The following IGF2BP2 variants were observed in gnomAD, a reference collection of about 807,000 sequenced individuals.
IGF2BP2 encodes insulin like growth factor 2 mRNA binding protein 2, also known as insulin-like growth factor 2 mRNA-binding protein 2.
Under a neutral mutation model 75.8 loss-of-function variants are expected in IGF2BP2, and 17 were observed. The ratio of observed to expected loss-of-function variants is 0.22; its 90% CI spans 0.15 to 0.34. IGF2BP2 has a LOEUF of 0.34. IGF2BP2 is among the 10% of genes least tolerant of loss of function. The pLI, the probability that IGF2BP2 is intolerant of heterozygous loss-of-function variation, is 1.00. For synonymous variants in IGF2BP2, 288 were observed against 295.6 expected (o/e 0.97, Z 0.26); for missense variants, 516 against 772.4 (o/e 0.67, Z 3.93).
intron 2 of IGF2BP2, among the ~76,000 whole-genome samples, chr3:185,700,756 AAGAC>A (rs1394683210): frequency 6.6e-6 from 1 of 152,236 alleles, no homozygotes; most frequent in Non-Finnish European, 1.5e-5. Flanking sequence ...GATGTGAACA[AAGAC>A]AGCAACTGTA....
intron 10 of IGF2BP2, among the ~76,000 whole-genome samples, chr3:185,669,046 T>C (rs1461506433): frequency 6.6e-6 from 1 of 152,118 alleles, no homozygotes; most frequent in Non-Finnish European, 1.5e-5. Context: ...TAATATGAAA[T>C]TGTTTAGTCA....
chr3:185,743,050 G>C (rs1309794250), intron 2 of IGF2BP2, among the ~76,000 whole-genome samples: 1 of 151,940 alleles, frequency 6.6e-6, no homozygotes, highest in African/African-American at 2.4e-5. Context: ...AGTGAGCCAA[G>C]ATCGTGCCAC....
At chr3:185,696,722 C>T in intron 3 of IGF2BP2, 59 bp from the exon 4 acceptor site, 1 of 1,369,362 alleles carries the variant, frequency 7.3e-7, no homozygotes, top group East Asian at 2.3e-5. Context: ...ACAAAAAATA[C>T]TACAGTGATA....
intron 7 of IGF2BP2, among the ~76,000 whole-genome samples, chr3:185,685,395 A>G (rs770029649): frequency 2.1e-4 from 32 of 152,024 alleles, no homozygotes; most frequent in Non-Finnish European, 4.6e-4. Flanking sequence ...AGGAACTTGG[A>G]TGAGAAATGT....
chr3:185,752,543 C>T (rs1325158775), intron 2 of IGF2BP2, among the ~76,000 whole-genome samples: 1 of 152,002 alleles, frequency 6.6e-6, no homozygotes, highest in Non-Finnish European at 1.5e-5. Flanking sequence ...AACCTGAGTA[C>T]ACTTTACACA....
intron 13 of IGF2BP2, among the ~76,000 whole-genome samples, 158 bp downstream of exon 13, chr3:185,651,936 G>C (rs1714672804): frequency 6.6e-6 from 1 of 152,140 alleles, no homozygotes; most frequent in African/African-American, 2.4e-5. Flanking sequence ...CAAACATGCA[G>C]AAGAACAGCC....
chr3:185,677,145 T>C (rs1203711692), intron 7 of IGF2BP2, among the ~76,000 whole-genome samples: 1 of 145,106 alleles, frequency 6.9e-6, no homozygotes, highest in Non-Finnish European at 1.5e-5. Context: ...GAACATTCAG[T>C]GTTTTCAAGG....
At chr3:185,784,035 G>A (rs1735549523) in intron 2 of IGF2BP2, among the ~76,000 whole-genome samples, 1 of 152,160 alleles carries the variant, frequency 6.6e-6, no homozygotes, top group Non-Finnish European at 1.5e-5. Context: ...AGGAGTTCAA[G>A]ACCAGCCTAG....
intron 13 of IGF2BP2, among the ~76,000 whole-genome samples, chr3:185,650,694 A>C (rs1342800113): frequency 6.7e-6 from 1 of 148,760 alleles, no homozygotes; most frequent in Non-Finnish European, 1.5e-5. Context: ...TAAAAACTGA[A>C]AAAAAAAAAA....
At chr3:185,794,894 T>C (rs1224119969) in intron 2 of IGF2BP2, among the ~76,000 whole-genome samples, 1 of 151,810 alleles carries the variant, frequency 6.6e-6, no homozygotes, top group African/African-American at 2.4e-5. Flanking sequence ...ACTCCAGTTA[T>C]CTTTTCTTTT....
chr3:185,762,421 T>C (rs1219233904), intron 2 of IGF2BP2, among the ~76,000 whole-genome samples: 1 of 139,496 alleles, frequency 7.2e-6, no homozygotes, highest in Non-Finnish European at 1.5e-5. Flanking sequence ...TAGTCCCAAC[T>C]ACTCAGGAGG....
intron 2 of IGF2BP2, chr3:185,722,205 A>G (rs1434100580): frequency 2.2e-6 from 1 of 454,824 alleles, no homozygotes; most frequent in Non-Finnish European, 4.4e-6. Context: ...AAGTGCTGGG[A>G]CTACAGGCAC....
chr3:185,766,599 G>A (rs1001299236), intron 2 of IGF2BP2, among the ~76,000 whole-genome samples: 4 of 152,166 alleles, frequency 2.6e-5, no homozygotes, highest in Non-Finnish European at 5.9e-5. Flanking sequence ...GTACTAAAGG[G>A]ATAGTATCAT....
chr3:185,672,229 G>A (rs1319649704), intron 10 of IGF2BP2, among the ~76,000 whole-genome samples: 5 of 152,112 alleles, frequency 3.3e-5, no homozygotes, highest in Non-Finnish European at 7.4e-5. Flanking sequence ...CTCATGAAAT[G>A]TTCTTATTTG....
chr3:185,692,620 A>T (rs1428546793), intron 5 of IGF2BP2, 79 bp downstream of exon 5: 1 of 1,276,780 alleles, frequency 7.8e-7, no homozygotes. Flanking sequence ...TTTAGAAAAC[A>T]TTTAAAAACA....
chr3:185,807,268 A>T (rs1169546369), intron 2 of IGF2BP2, among the ~76,000 whole-genome samples: 1 of 152,220 alleles, frequency 6.6e-6, no homozygotes, highest in African/African-American at 2.4e-5. Flanking sequence ...AAGGTGAAGA[A>T]AAAGAAAAAA....
intron 2 of IGF2BP2, among the ~76,000 whole-genome samples, chr3:185,815,568 A>G (rs1168570194): frequency 6.6e-6 from 1 of 152,176 alleles, no homozygotes; most frequent in Non-Finnish European, 1.5e-5. Context: ...TAAAACAGGA[A>G]GCCTAGTCCA....
chr3:185,731,791 T>C (rs890373158), intron 2 of IGF2BP2, among the ~76,000 whole-genome samples: 10 of 151,800 alleles, frequency 6.6e-5, no homozygotes, highest in Non-Finnish European at 7.4e-5. Flanking sequence ...CTGGCTAACA[T>C]GGTGAAACCC....
At chr3:185,772,336 C>T (rs970670953) in intron 2 of IGF2BP2, among the ~76,000 whole-genome samples, 3 of 152,098 alleles carry the variant, frequency 2.0e-5, no homozygotes, top group South Asian at 2.1e-4. Flanking sequence ...GAAGAGAAAA[C>T]GCTAGGCTCT....
Sources: gnomAD v4.1 joint callset for allele counts (sites outside exome capture counted in the v4.1 genomes callset) on GRCh38, gnomAD v4.1.1 for gene constraint, MANE v1.5 for transcripts, NCBI Gene and HGNC (gene_info 2026-07-23, HGNC 2026-07-21) for gene names.